TAOK1: variants seen among roughly 807,000 people sequenced by gnomAD.
TAOK1 encodes TAO kinase 1.
In TAOK1, 21 loss-of-function variants were observed where a neutral mutation model predicts 138.3. The observed-to-expected ratio is 0.15, with a 90% confidence interval of 0.11 to 0.22. The LOEUF (loss-of-function observed/expected upper bound fraction) is 0.22. Among genes scored for constraint, TAOK1 ranks in the 10% least tolerant of loss-of-function variants. The pLI, the probability that TAOK1 is intolerant of heterozygous loss-of-function variation, is 1.00. For synonymous variants in TAOK1, 361 were observed against 398.4 expected, an observed-to-expected ratio of 0.91 and a Z score of 1.12; for missense variants, 651 against 1,227.7, an observed-to-expected ratio of 0.53 and a Z score of 7.02.
chr17:29,541,723 C>A (rs1027635731), intron 19 of TAOK1, among the ~76,000 whole-genome samples: 4 of 150,970 alleles, frequency 2.6e-5, no homozygotes, highest in Non-Finnish European at 5.9e-5. Context: ...TTGCAGTGAG[C>A]TGAGATAGTG....
chr17:29,480,886 AT>A (rs1166650221), intron 7 of TAOK1, among the ~76,000 whole-genome samples: 6 of 149,852 alleles, frequency 4.0e-5, no homozygotes, highest in Non-Finnish European at 7.4e-5. Context: ...AAAAAAAAAG[AT>A]TAAAATTTTA....
chr17:29,410,620 TTTTTTTTTTTTTTGG>T (rs970128282), intron 1 of TAOK1, among the ~76,000 whole-genome samples: 2 of 43,446 alleles, frequency 4.6e-5, no homozygotes, highest in African/African-American at 2.3e-4. Context: ...GGGTTTTTTG[TTTTTTTTTTTTTTGG>T]TTTTTTTTTT....
chr17:29,454,904 T>C (rs2030336917), intron 2 of TAOK1, among the ~76,000 whole-genome samples: 1 of 151,942 alleles, frequency 6.6e-6, no homozygotes, highest in Non-Finnish European at 1.5e-5. Context: ...GGTTTCACTG[T>C]GTTAGCCAGG....
chr17:29,413,956 C>T (rs1905207234), intron 1 of TAOK1, among the ~76,000 whole-genome samples: 1 of 136,904 alleles, frequency 7.3e-6, no homozygotes, highest in African/African-American at 2.8e-5. Flanking sequence ...GATCTTGGCT[C>T]ACTGCAAACT....
intron 17 of TAOK1, among the ~76,000 whole-genome samples, chr17:29,526,350 AT>A (rs1457692644): frequency 6.6e-6 from 1 of 152,174 alleles, no homozygotes; most frequent in African/African-American, 2.4e-5. Context: ...GAGGCAGAAG[AT>A]ACTATCTAAA....
intron 17 of TAOK1, among the ~76,000 whole-genome samples, chr17:29,528,991 G>C (rs2032059893): frequency 7.8e-6 from 1 of 128,728 alleles, no homozygotes; most frequent in Non-Finnish European, 1.6e-5. Flanking sequence ...TTTTTTAAGA[G>C]ACCAGTGTCT....
chr17:29,464,383 G>T (rs1453645887), intron 2 of TAOK1, among the ~76,000 whole-genome samples: 1 of 150,676 alleles, frequency 6.6e-6, no homozygotes, highest in Non-Finnish European at 1.5e-5. Flanking sequence ...GGCAGAGTTT[G>T]CAGTGAGCCA....
At chr17:29,455,830 G>A (rs912531248) in intron 2 of TAOK1, among the ~76,000 whole-genome samples, 2 of 149,854 alleles carry the variant, frequency 1.3e-5, no homozygotes, top group East Asian at 1.9e-4. Context: ...ACTTCATCAC[G>A]GTTTGTAATT....
intron 1 of TAOK1, among the ~76,000 whole-genome samples, chr17:29,428,542 G>C (rs1045199822): frequency 1.3e-5 from 2 of 152,170 alleles, no homozygotes; most frequent in African/African-American, 4.8e-5. Flanking sequence ...CTGTTACTTA[G>C]TAGCTATATG....
chr17:29,398,429 A>C (rs1904730331), intron 1 of TAOK1, among the ~76,000 whole-genome samples: 1 of 151,530 alleles, frequency 6.6e-6, no homozygotes, highest in African/African-American at 2.4e-5. Flanking sequence ...CTGGTCATGA[A>C]CTCGTGACCT....
intron 2 of TAOK1, among the ~76,000 whole-genome samples, chr17:29,454,786 C>T (rs897413895): frequency 5.3e-5 from 8 of 152,048 alleles, no homozygotes; most frequent in African/African-American, 7.2e-5. Context: ...ACTGCAGCCT[C>T]GGCCTCCTGG....
chr17:29,501,901 G>T (rs1371726290), intron 12 of TAOK1, among the ~76,000 whole-genome samples: 1 of 152,092 alleles, frequency 6.6e-6, no homozygotes, highest in Non-Finnish European at 1.5e-5. Flanking sequence ...GCTGGGCATG[G>T]TAGTGCATGC....
At chr17:29,443,666 TA>T (rs2030003819) in intron 1 of TAOK1, among the ~76,000 whole-genome samples, 1 of 152,248 alleles carries the variant, frequency 6.6e-6, no homozygotes, top group South Asian at 2.1e-4. Flanking sequence ...TTGTTCACTT[TA>T]TTAGGAAGGA....
intron 1 of TAOK1, among the ~76,000 whole-genome samples, chr17:29,424,049 A>G (rs1905551380): frequency 3.8e-5 from 1 of 26,076 alleles, no homozygotes; most frequent in South Asian, 1.3e-3. Context: ...ACCCTGTCTC[A>G]AAAAAAAAAA....
chr17:29,526,819 T>TTAAAAA lies in TAOK1; in HGVS notation c.2149-3588_2149-3587insTAAAAA, dbSNP rs770263137. On this transcript the variant is annotated intron_variant, in intron 17 of 19. Coordinates refer to ENST00000261716, the MANE Select transcript of TAOK1 (RefSeq NM_020791.4). ...GGCAGCATAGGGAGATCTCATCTCTTAAAAAAAAAAAAAAAAAAAAAAAAA... is the reference window on the plus strand; with the variant it reads ...GGCAGCATAGGGAGATCTCATCTCTTTAAAAAAAAAAAAAAAAAAAAAAAAAAAAAA... Among the ~76,000 whole-genome samples, 10 of 50,950 alleles carry TTAAAAA rather than the reference T, an allele frequency of 2.0e-4. 2 individuals carry two copies. Among genetic ancestry groups the TTAAAAA allele is most frequent in the Non-Finnish European group, 1.7e-4 (5 of 28,800 alleles). 33.4% of individuals were successfully genotyped at this position (50,950 alleles called of 152,430 possible). A position where few individuals can be genotyped will look rare whatever the true frequency, so the allele number is the denominator to read the frequency against.
At chr17:29,501,383 A>G (rs2153028578) in intron 12 of TAOK1, among the ~76,000 whole-genome samples, 1 of 151,302 alleles carries the variant, frequency 6.6e-6, no homozygotes, top group Non-Finnish European at 1.5e-5. Flanking sequence ...TGATCATACC[A>G]CTGCACTGCA....
chr17:29,475,790 C>T lies in TAOK1; in HGVS notation c.306+19C>T, dbSNP rs372410494. 3.8e-6 allele frequency: 6 copies of T among 1,579,352 alleles called. No homozygotes were observed. The highest frequency in any genetic ancestry group is 3.3e-4 in the Middle Eastern group (2 of 5,978). Reference sequence around the variant, plus strand: ...AGCATGGGTTGGTATTTGTTCTCCCCTTGTTGCAGTTTTAGCTGATTTTGG... The same window carrying T: ...AGCATGGGTTGGTATTTGTTCTCCCTTTGTTGCAGTTTTAGCTGATTTTGG... On this transcript the variant is annotated intron_variant, in intron 4 of 19. Transcript: ENST00000261716.
chr17:29,535,767 A>T (rs2032210574), intron 19 of TAOK1, among the ~76,000 whole-genome samples: 1 of 152,044 alleles, frequency 6.6e-6, no homozygotes, highest in Admixed American at 6.6e-5. Flanking sequence ...AGGTGAGAGG[A>T]TCACTTGAGC....
At chr17:29,424,284 A>C (rs1457072821) in intron 1 of TAOK1, among the ~76,000 whole-genome samples, 1 of 151,410 alleles carries the variant, frequency 6.6e-6, no homozygotes, top group Non-Finnish European at 1.5e-5. Context: ...AAAATACAAA[A>C]AAATTAGCCA....
Sources: allele counts gnomAD v4.1 joint callset (sites outside exome capture counted in the v4.1 genomes callset), GRCh38; gene constraint gnomAD v4.1.1; transcripts MANE v1.5; gene names NCBI Gene and HGNC (gene_info 2026-07-23, HGNC 2026-07-21).